The following GRID2 variants were observed in gnomAD, a reference collection of about 807,000 sequenced individuals.
GRID2 encodes the protein glutamate receptor ionotropic, delta-2.
A neutral mutation model predicts 114.8 loss-of-function variants in GRID2; 33 were observed. The ratio of observed to expected loss-of-function variants is 0.29; its 90% confidence interval spans 0.22 to 0.38. The LOEUF is 0.38. GRID2 is among the 10% of genes least tolerant of loss of function. The pLI, the probability that GRID2 is intolerant of heterozygous loss-of-function variation, is 1.00. For missense variants in GRID2, 1,184 were observed against 1,257.7 expected (o/e 0.94, Z 0.89); for synonymous variants, 505 against 449.9 (o/e 1.12, Z -1.55).
At chr4:92,576,752 C>G (rs541019417) in intron 1 of GRID2, among the ~76,000 whole-genome samples, 1 of 152,270 alleles carries the variant, frequency 6.6e-6, no homozygotes, top group Admixed American at 6.5e-5. Context: ...CCTGGGATCA[C>G]ACAATCACTC....
In GRID2 at chr4:93,158,549, T is replaced by G. The variant is rs1030424371; in HGVS notation, c.735+47596T>G. 1.9e-4 allele frequency among the ~76,000 whole-genome samples: 26 copies of G among 136,576 alleles called. No individual in the cohort carries two copies. The East Asian group carries it at 5.8e-3, about 31-fold the overall frequency. 89.6% of individuals were successfully genotyped at this position (136,576 alleles called of 152,430 possible). A position where few individuals can be genotyped will look rare whatever the true frequency, so the allele number is the denominator to read the frequency against. ...TACCTTACCTTGCAGAAAAGTCATT[T>G]CCATATCTGTCATATTTGCATTTTT... On this transcript the variant is annotated intron_variant, in intron 4 of 15. Transcript: ENST00000282020.
At chr4:93,749,931 A>G (rs1156537655) in intron 14 of GRID2, among the ~76,000 whole-genome samples, 1 of 152,248 alleles carries the variant, frequency 6.6e-6, no homozygotes, top group Non-Finnish European at 1.5e-5. Context: ...TTCGAGAATT[A>G]TATAACTGAA....
At chr4:92,372,091 T>C (rs2110220052) in intron 1 of GRID2, among the ~76,000 whole-genome samples, 1 of 152,256 alleles carries the variant, frequency 6.6e-6, no homozygotes, top group South Asian at 2.1e-4. Flanking sequence ...ATGACAAAAC[T>C]TGAATAGATG....
intron 8 of GRID2, among the ~76,000 whole-genome samples, chr4:93,244,926 A>C (rs1748030377): frequency 6.6e-6 from 1 of 151,868 alleles, no homozygotes; most frequent in Non-Finnish European, 1.5e-5. Flanking sequence ...TTGTAATATA[A>C]AACCCAGTTG....
intron 2 of GRID2, among the ~76,000 whole-genome samples, chr4:92,691,633 A>G (rs1734187577): frequency 6.6e-6 from 1 of 152,226 alleles, no homozygotes; most frequent in African/African-American, 2.4e-5. Flanking sequence ...TAATATTTCA[A>G]AATCTCTGGG....
At chr4:93,603,493 A>C (rs1311285476) in intron 13 of GRID2, among the ~76,000 whole-genome samples, 1 of 152,242 alleles carries the variant, frequency 6.6e-6, no homozygotes, top group African/African-American at 2.4e-5. Flanking sequence ...GAAGCAACAG[A>C]TGCTGATGCA....
At chr4:93,608,833 G>A (rs1316368018) in intron 13 of GRID2, among the ~76,000 whole-genome samples, 2 of 134,896 alleles carry the variant, frequency 1.5e-5, no homozygotes, top group African/African-American at 5.6e-5. Context: ...ACCCAGTAAT[G>A]GGATGGCTGG....
intron 2 of GRID2, among the ~76,000 whole-genome samples, chr4:92,909,327 A>G (rs975483502): frequency 6.6e-6 from 1 of 151,562 alleles, no homozygotes; most frequent in Non-Finnish European, 1.5e-5. Flanking sequence ...CATCTCTCCT[A>G]TATATCTCTA....
At chr4:92,906,620 A>G (rs1376304821) in intron 2 of GRID2, among the ~76,000 whole-genome samples, 6 of 151,870 alleles carry the variant, frequency 4.0e-5, no homozygotes, top group Non-Finnish European at 8.8e-5. Context: ...CTTATCATTT[A>G]TTTATTTATT....
chr4:92,829,676 C>G (rs575829680), intron 2 of GRID2, among the ~76,000 whole-genome samples: 1 of 152,174 alleles, frequency 6.6e-6, no homozygotes, highest in East Asian at 1.9e-4. Context: ...AGACTTGGAA[C>G]CAACCCAAAT....
rs560699894 is a variant in GRID2, at chr4:92,818,526, G to C, written c.244+228240G>C. ...TGCCTATACTAATGGACAGTTAACA[G>C]TCTGATTTGGTGTATTGCTTGGAAA... On this transcript the variant is annotated intron_variant, in intron 2 of 15. Coordinates refer to ENST00000282020, the MANE Select transcript of GRID2 (RefSeq NM_001510.4). Among the ~76,000 whole-genome samples the C allele has an allele frequency of 3.9e-5, 6 of 152,238 alleles. No individual in the cohort carries two copies. In the South Asian group the frequency reaches 1.2e-3, roughly 32 times the overall value.
At chr4:92,780,469 AAC>A (rs1244397893) in intron 2 of GRID2, among the ~76,000 whole-genome samples, 3 of 152,156 alleles carry the variant, frequency 2.0e-5, no homozygotes, top group African/African-American at 7.2e-5. Flanking sequence ...TAGAAGTTTT[AAC>A]AGTCTTCATT....
At chr4:92,776,122 G>A (rs1738781006) in intron 2 of GRID2, among the ~76,000 whole-genome samples, 1 of 152,116 alleles carries the variant, frequency 6.6e-6, no homozygotes, top group Non-Finnish European at 1.5e-5. Context: ...ACTGGTATAT[G>A]TATGAGTGTG....
Position 93,110,830 on chromosome 4 carries a change from C to T in GRID2, c.612C>T (p.Ile204=), listed in dbSNP as rs139988203. 1 of 1,610,832 alleles carries T rather than the reference C, an allele frequency of 6.2e-7. No individual in the cohort carries two copies. The highest frequency in any genetic ancestry group is 8.5e-7 in the Non-Finnish European group (1 of 1,177,092). Residue 204 remains isoleucine (I), a synonymous_variant, in exon 4 of 16, where the codon ATC becomes ATT. Coordinates refer to ENST00000282020, the MANE Select transcript of GRID2 (RefSeq NM_001510.4). ...CACTTCAGAAGGTAGAAAACAACAT[C>T]AATAAAATGATTACCACTCTCTTTG... The part of the protein sequence containing the change: ...DVALQKVENN[I]NKMITTLFDT...
intron 2 of GRID2, among the ~76,000 whole-genome samples, chr4:92,605,271 G>A (rs547206660): frequency 1.3e-5 from 2 of 151,994 alleles, no homozygotes; most frequent in South Asian, 2.1e-4. Flanking sequence ...GCCAAATGAC[G>A]GAAACTAGGA....
intron 2 of GRID2, among the ~76,000 whole-genome samples, chr4:92,616,619 G>C (rs1730015429): frequency 6.6e-6 from 1 of 151,068 alleles, no homozygotes; most frequent in African/African-American, 2.4e-5. Context: ...GTGTGTTTTT[G>C]TTATTATATA....
At chr4:93,200,472 A>G (rs908987334) in intron 4 of GRID2, among the ~76,000 whole-genome samples, 6 of 152,100 alleles carry the variant, frequency 3.9e-5, no homozygotes, top group Admixed American at 2.0e-4. Flanking sequence ...AGGCTGAGGC[A>G]GGAGAATGGC....
intron 2 of GRID2, among the ~76,000 whole-genome samples, chr4:92,846,291 T>C (rs1372253511): frequency 3.9e-5 from 6 of 152,092 alleles, no homozygotes; most frequent in Non-Finnish European, 5.9e-5. Flanking sequence ...TAGTACCTAA[T>C]AGGTATTTTT....
intron 13 of GRID2, among the ~76,000 whole-genome samples, chr4:93,598,728 CAAACTA>C (rs1739363487): frequency 6.6e-6 from 1 of 152,106 alleles, no homozygotes; most frequent in African/African-American, 2.4e-5. Flanking sequence ...CCTCTAGATG[CAAACTA>C]AAACTATCTT....
Sources: allele counts gnomAD v4.1 joint callset (sites outside exome capture counted in the v4.1 genomes callset), GRCh38; gene constraint gnomAD v4.1.1; transcripts MANE v1.5; gene names NCBI Gene and HGNC (gene_info 2026-07-23, HGNC 2026-07-21).